XKR9: variants seen among roughly 807,000 people sequenced by gnomAD.
XKR9 encodes XK related 9.
A neutral mutation model predicts 32.0 loss-of-function variants in XKR9; 32 were observed. The ratio of observed to expected loss-of-function variants is 1.00; its 90% CI spans 0.76 to 1.34. XKR9 has a LOEUF of 1.34. Among genes scored for constraint, XKR9 ranks in the 40% most tolerant of loss-of-function variants. XKR9 has a pLI of 0.00. For synonymous variants in XKR9, 168 were observed against 143.4 expected, an observed-to-expected ratio of 1.17 and a Z score of -1.22; for missense variants, 546 against 429.7, an observed-to-expected ratio of 1.27 and a Z score of -2.39.
rs771388967 is a variant in XKR9 at position 70,734,190 on chromosome 8, G to A, written c.888G>A (p.Leu296=). The A allele has an allele frequency of 1.9e-5, 31 of 1,613,174 alleles. No homozygotes were observed. The highest frequency in any genetic ancestry group is 2.3e-5 in the Non-Finnish European group (27 of 1,179,638). ...PMSCYYIVRV[L]GTLGILTVFW... ...CTTGTTATTATATTGTTAGGGTACT[G>A]GGCACTTTGGGGATATTGACTGTAT... The change falls in exon 5 of 5, where the codon CTG becomes CTA. Residue 296 remains leucine (L), a synonymous_variant. Transcript: ENST00000408926.
chr8:70,842,547 T>TACACACAC, the XKR9 span, among the ~76,000 whole-genome samples: 33,578 of 148,946 alleles, frequency 0.23, 4,614 homozygotes, highest in Non-Finnish European at 0.32. Context: ...CATCATTATT[T>TACACACAC]ACACACACAC....
At chr8:70,726,272 A>G (rs762954542) in intron 4 of XKR9, among the ~76,000 whole-genome samples, 14 of 152,204 alleles carry the variant, frequency 9.2e-5, no homozygotes, top group Non-Finnish European at 1.3e-4. Context: ...TTAAGAATGG[A>G]TGAAACAATG....
At chr8:70,813,134 T>C in the XKR9 span, among the ~76,000 whole-genome samples, 12 of 152,090 alleles carry the variant, frequency 7.9e-5, no homozygotes, top group African/African-American at 2.9e-4. Context: ...TCAGAAATAA[T>C]GCCGCATATC....
the XKR9 span, among the ~76,000 whole-genome samples, chr8:70,983,944 C>T: frequency 6.6e-6 from 1 of 152,152 alleles, no homozygotes; most frequent in Non-Finnish European, 1.5e-5. Context: ...AATAACCATT[C>T]AGGGCCTGAA....
At chr8:71,064,285 T>C in the XKR9 span, among the ~76,000 whole-genome samples, 2 of 152,178 alleles carry the variant, frequency 1.3e-5, no homozygotes, top group South Asian at 4.1e-4. Context: ...AAATAATTCT[T>C]CTTCTATAAT....
At chr8:70,670,594 C>T (rs1044702997) in intron 1 of XKR9, 1 of 151,080 alleles carries the variant, frequency 6.6e-6, no homozygotes. Context: ...ATGAAGAAAA[C>T]GATCTGCTCT....
the XKR9 span, among the ~76,000 whole-genome samples, chr8:71,052,065 G>C: frequency 2.0e-5 from 3 of 152,200 alleles, no homozygotes; most frequent in African/African-American, 7.2e-5. Context: ...TGTCTGGGTT[G>C]CTATGTCACC....
chr8:71,001,584 C>T, the XKR9 span, among the ~76,000 whole-genome samples: 1 of 152,166 alleles, frequency 6.6e-6, no homozygotes, highest in Non-Finnish European at 1.5e-5. Context: ...TTAATTTCCT[C>T]ATCTCTAAAA....
At chr8:70,825,953 G>A in the XKR9 span, among the ~76,000 whole-genome samples, 1 of 151,900 alleles carries the variant, frequency 6.6e-6, no homozygotes, top group Non-Finnish European at 1.5e-5. Context: ...TTTCCTCTTT[G>A]CATCATGTAA....
chr8:71,008,357 A>T, the XKR9 span, among the ~76,000 whole-genome samples: 1 of 152,204 alleles, frequency 6.6e-6, no homozygotes, highest in Admixed American at 6.5e-5. Context: ...CATATATCTG[A>T]TGAGGTAGTC....
chr8:70,825,652 T>C, the XKR9 span, among the ~76,000 whole-genome samples: 2 of 152,124 alleles, frequency 1.3e-5, no homozygotes, highest in Non-Finnish European at 2.9e-5. Flanking sequence ...GAAGAGCTTC[T>C]TTTAACTTGA....
At chr8:70,848,764 CA>C in the XKR9 span, among the ~76,000 whole-genome samples, 16,696 of 116,512 alleles carry the variant, frequency 0.14, 1,059 homozygotes, top group African/African-American at 0.25. Context: ...AATGGAATGC[CA>C]AAAAAAAAAA....
chr8:70,946,367 C>CA, the XKR9 span, among the ~76,000 whole-genome samples: 1 of 149,494 alleles, frequency 6.7e-6, no homozygotes, highest in South Asian at 2.1e-4. Flanking sequence ...GCACAATTTT[C>CA]AAAACAAAAA....
intron 3 of XKR9, among the ~76,000 whole-genome samples, chr8:70,702,420 C>G (rs1453479104): frequency 6.6e-6 from 1 of 152,076 alleles, no homozygotes; most frequent in Non-Finnish European, 1.5e-5. Flanking sequence ...ACGTAATGTT[C>G]TATAAATGTC....
the XKR9 span, among the ~76,000 whole-genome samples, chr8:70,887,684 C>G: frequency 6.6e-6 from 1 of 151,966 alleles, no homozygotes; most frequent in Admixed American, 6.6e-5. Flanking sequence ...TTCTTTATAG[C>G]AGTCATGAAT....
chr8:70,717,290 G>T (rs1241334005), intron 4 of XKR9, among the ~76,000 whole-genome samples: 1 of 152,194 alleles, frequency 6.6e-6, no homozygotes, highest in East Asian at 1.9e-4. Flanking sequence ...GACTCTGTGT[G>T]TGAGCTCCAA....
the XKR9 span, among the ~76,000 whole-genome samples, chr8:70,901,577 T>A: frequency 6.6e-6 from 1 of 152,196 alleles, no homozygotes; most frequent in Non-Finnish European, 1.5e-5. Context: ...GTCAGACAGG[T>A]AGATTGTAAA....
At chr8:70,879,351 A>T in the XKR9 span, among the ~76,000 whole-genome samples, 1 of 152,194 alleles carries the variant, frequency 6.6e-6, no homozygotes, top group Non-Finnish European at 1.5e-5. Context: ...CCCTTTAAAA[A>T]AAACAATGAA....
At chr8:70,864,266 A>C in the XKR9 span, among the ~76,000 whole-genome samples, 2 of 152,202 alleles carry the variant, frequency 1.3e-5, no homozygotes, top group African/African-American at 4.8e-5. Flanking sequence ...AAAAGGAAAA[A>C]GAAGTTGTGC....
Sources: allele counts gnomAD v4.1 joint callset (sites outside exome capture counted in the v4.1 genomes callset), GRCh38; gene constraint gnomAD v4.1.1; transcripts MANE v1.5; gene names NCBI Gene and HGNC (gene_info 2026-07-23, HGNC 2026-07-21).